Variants in SERPINI2 observed in about 807,000 individuals in gnomAD.
SERPINI2 encodes the protein serpin family I member 2.
SERPINI2 carries 48 observed loss-of-function variants against 47.3 expected under a neutral mutation model. That is an observed-to-expected ratio of 1.02 (90% CI 0.81 to 1.29). The LOEUF (loss-of-function observed/expected upper bound fraction) is 1.29. Among genes scored for constraint, SERPINI2 ranks in the 50% most tolerant of loss-of-function variants. SERPINI2 has a pLI of 0.00. For synonymous variants in SERPINI2, 135 were observed against 149.3 expected (o/e 0.90, Z 0.70); for missense variants, 448 against 456.9 (o/e 0.98, Z 0.18).
At chr3:167,474,201 A>C, upstream of SERPINI2, 1 of 802,888 alleles carries the variant, frequency 1.2e-6, no homozygotes, top group South Asian at 5.7e-5. Context: ...TGATCAACTG[A>C]TGAAATGTGC....
At chr3:167,472,988 C>T (rs2108176274) in intron 1 of SERPINI2, among the ~76,000 whole-genome samples, 1 of 151,738 alleles carries the variant, frequency 6.6e-6, no homozygotes, top group South Asian at 2.1e-4. Context: ...TGTTGTCAGC[C>T]TTAAGTAGAG....
intron 3 of SERPINI2, among the ~76,000 whole-genome samples, chr3:167,466,280 C>T (rs1750132617): frequency 6.6e-6 from 1 of 152,136 alleles, no homozygotes; most frequent in Admixed American, 6.6e-5. Context: ...GCTCACCACG[C>T]TTATCTCACA....
intron 5 of SERPINI2, among the ~76,000 whole-genome samples, chr3:167,459,998 C>G (rs574501718): frequency 8.5e-5 from 13 of 152,130 alleles, no homozygotes; most frequent in African/African-American, 2.9e-4. Flanking sequence ...CAGCCACTAT[C>G]GGAAGGTAGG....
chr3:167,456,357 G>A (rs1204758094), intron 5 of SERPINI2, among the ~76,000 whole-genome samples: 3 of 152,080 alleles, frequency 2.0e-5, no homozygotes, highest in Non-Finnish European at 2.9e-5. Flanking sequence ...TGGTCACAAC[G>A]TATCTATTCT....
chr3:167,446,235 G>T (rs6768544), intron 8 of SERPINI2, among the ~76,000 whole-genome samples, 157 bp downstream of exon 8: 29,046 of 151,964 alleles, frequency 0.19, 4,122 homozygotes, highest in African/African-American at 0.39. Context: ...TTTAGGCCTC[G>T]GTCATCTCTT....
At chr3:167,454,462 T>G (rs192294967) in intron 5 of SERPINI2, among the ~76,000 whole-genome samples, 1 of 152,316 alleles carries the variant, frequency 6.6e-6, no homozygotes, top group African/African-American at 2.4e-5. Flanking sequence ...AAAGATAATA[T>G]GCAGCATGAT....
chr3:167,467,074 C>G (rs202201954), exon 3 of SERPINI2: 5 of 1,608,538 alleles, frequency 3.1e-6, no homozygotes, highest in Non-Finnish European at 4.2e-6. Flanking sequence ...TTCTTTCTAC[C>G]CAGGTACTTA....
chr3:167,471,797 A>G (rs918616235), exon 2 of SERPINI2: 4 of 1,612,938 alleles, frequency 2.5e-6, no homozygotes, highest in African/African-American at 2.7e-5. Flanking sequence ...ACTTCCAAAA[A>G]ACAGCAATAG....
At chr3:167,445,982 A>G (rs1190253602) in intron 8 of SERPINI2, among the ~76,000 whole-genome samples, 1 of 151,998 alleles carries the variant, frequency 6.6e-6, no homozygotes, top group Non-Finnish European at 1.5e-5. Context: ...TTCTTTCACA[A>G]CTCCACACCT....
chr3:167,450,261 A>T (rs1025398701), intron 6 of SERPINI2, among the ~76,000 whole-genome samples: 4 of 152,364 alleles, frequency 2.6e-5, no homozygotes, highest in South Asian at 4.1e-4. Context: ...AATTTTCAGC[A>T]TAAGATCGTG....
intron 3 of SERPINI2, among the ~76,000 whole-genome samples, chr3:167,466,302 T>C (rs776754774): frequency 6.6e-6 from 1 of 152,184 alleles, no homozygotes; most frequent in Non-Finnish European, 1.5e-5. Flanking sequence ...TTTCAACTTA[T>C]GCTTCCCCAT....
chr3:167,449,355 C>G, exon 7 of SERPINI2: 1 of 1,613,104 alleles, frequency 6.2e-7, no homozygotes, highest in Non-Finnish European at 8.5e-7. Flanking sequence ...TCATTTATCT[C>G]AAAGAAAACT....
At chr3:167,473,192 A>G (rs1018594465) in intron 1 of SERPINI2, among the ~76,000 whole-genome samples, 7 of 151,880 alleles carry the variant, frequency 4.6e-5, no homozygotes, top group African/African-American at 1.7e-4. Context: ...GCAAAAGACA[A>G]AAGCCTCAAA....
At position 167,463,136 on chromosome 3, in the gene SERPINI2, A is replaced by AT. The variant is rs772778570; in HGVS notation, c.866+2069dup. Among the ~76,000 whole-genome samples the AT allele has an allele frequency of 5.1e-3, 746 of 146,592 alleles. 6 individuals are homozygous for AT. The highest frequency in any genetic ancestry group is 0.015 in the African/African-American group (612 of 40,282). The stretch of plus-strand genomic sequence containing the variant: ...TCACAGACAGTTTTCAAACTCAGTA[A>AT]TTTTTTTTTTTTGTCTCCAAGAAAG... On this transcript the variant is annotated intron_variant, in intron 5 of 8. Coordinates refer to ENST00000264677, the Ensembl canonical transcript of SERPINI2.
chr3:167,465,635 G>T, exon 4 of SERPINI2: 1 of 1,610,572 alleles, frequency 6.2e-7, no homozygotes, highest in Non-Finnish European at 8.5e-7. Context: ...CGAGTCAGAG[G>T]GCCAAATTCT....
rs942202027 is a variant in SERPINI2, at chr3:167,465,204, AC to A, written c.866+1del. On this transcript the variant is annotated splice_donor_variant, in intron 5 of 8. Coordinates refer to ENST00000264677, the Ensembl canonical transcript of SERPINI2. LOFTEE classifies it high-confidence loss of function. ...CTCGTATAATAAAATAACATCACCA[AC>A]CTAGGGAGGCTTATTTCTACTTCCT... is the stretch of plus-strand genomic sequence containing the variant. 1.2e-6 allele frequency: 2 copies of A among 1,605,428 alleles called. No homozygotes were observed. Among genetic ancestry groups the A allele is most frequent in the Non-Finnish European group, 1.7e-6 (2 of 1,177,736 alleles).
intron 5 of SERPINI2, among the ~76,000 whole-genome samples, chr3:167,458,456 G>A (rs1749874372): frequency 6.6e-6 from 1 of 150,486 alleles, no homozygotes; most frequent in Non-Finnish European, 1.5e-5. Flanking sequence ...TAGAGACGGG[G>A]TTTAACGGTG....
chr3:167,459,680 GGTTT>G (rs1749930186), intron 5 of SERPINI2, among the ~76,000 whole-genome samples: 2 of 75,748 alleles, frequency 2.6e-5, no homozygotes, highest in African/African-American at 4.9e-5. Flanking sequence ...TCTTATGGGT[GGTTT>G]TTTTTTTTTT....
chr3:167,453,107 G>T, intron 5 of SERPINI2, 74 bp from the exon 6 acceptor site: 1 of 717,646 alleles, frequency 1.4e-6, no homozygotes, highest in South Asian at 1.8e-5. Flanking sequence ...TTTAATGGAT[G>T]ACTTAGAGGA....
Sources: allele counts gnomAD v4.1 joint callset (sites outside exome capture counted in the v4.1 genomes callset), GRCh38; gene constraint gnomAD v4.1.1; transcripts MANE v1.5; gene names NCBI Gene and HGNC (gene_info 2026-07-23, HGNC 2026-07-21).